The following SEMA6D variants were observed in gnomAD, a reference collection of about 807,000 sequenced individuals.
The protein encoded by SEMA6D is semaphorin 6D, also known as semaphorin-6D.
In SEMA6D, 35 loss-of-function variants were observed where a neutral mutation model predicts 106.6. The observed-to-expected ratio is 0.33, with a 90% CI of 0.25 to 0.44. The LOEUF (loss-of-function observed/expected upper bound fraction) is 0.44. Among genes scored for constraint, SEMA6D ranks in the 20% least tolerant of loss-of-function variants. The pLI is 1.00. For synonymous variants in SEMA6D, 499 were observed against 487.7 expected, an observed-to-expected ratio of 1.02 and a Z score of -0.31; for missense variants, 1,185 against 1,345.9, an observed-to-expected ratio of 0.88 and a Z score of 1.87.
chr15:47,549,906 G>C (rs946758817), intron 3 of SEMA6D, among the ~76,000 whole-genome samples: 1 of 152,128 alleles, frequency 6.6e-6, no homozygotes, highest in Non-Finnish European at 1.5e-5. Context: ...CTTGCCTAAA[G>C]TTGCACAGGC....
In SEMA6D at chr15:47,760,922, C is replaced by T. The variant is rs138062607; in HGVS notation, c.222-56C>T. On this transcript the variant is annotated intron_variant, in intron 3 of 18. Transcript: ENST00000536845. The stretch of plus-strand genomic sequence containing the variant: ...AGATCTGTAAAAATAAAAAAGGAAG[C>T]AGCTTAACATTTTTATGTATTCACG... 9.8e-5 allele frequency: 142 copies of T among 1,444,824 alleles called. No individual in the cohort carries two copies. In the African/African-American group the frequency reaches 1.8e-3, roughly 18 times the overall value. 89.5% of individuals were successfully genotyped at this position (1,444,824 alleles called of 1,614,324 possible). A position where few individuals can be genotyped will look rare whatever the true frequency, so the allele number is the denominator to read the frequency against.
chr15:47,523,096 C>G (rs149523881), intron 3 of SEMA6D, among the ~76,000 whole-genome samples: 1 of 152,230 alleles, frequency 6.6e-6, no homozygotes, highest in Non-Finnish European at 1.5e-5. Context: ...CTCCCATCTT[C>G]CATCTGCTAA....
At chr15:47,299,154 T>C (rs2035921915) in intron 1 of SEMA6D, among the ~76,000 whole-genome samples, 1 of 152,150 alleles carries the variant, frequency 6.6e-6, no homozygotes, top group Non-Finnish European at 1.5e-5. Context: ...TGGGTTAGTC[T>C]AGCCACAGTG....
At chr15:47,618,933 C>T (rs1394783082) in intron 4 of SEMA6D, among the ~76,000 whole-genome samples, 1 of 152,180 alleles carries the variant, frequency 6.6e-6, no homozygotes, top group African/African-American at 2.4e-5. Context: ...ATAAAAGGAG[C>T]TGCTCTTTAT....
intron 1 of SEMA6D, among the ~76,000 whole-genome samples, chr15:47,215,010 T>C (rs1412675955): frequency 1.3e-5 from 2 of 151,716 alleles, no homozygotes; most frequent in Non-Finnish European, 2.9e-5. Context: ...CTATAAGCAG[T>C]GGAAGCACAT....
At chr15:47,747,474 A>G (rs2081208592) in intron 1 of SEMA6D, among the ~76,000 whole-genome samples, 1 of 152,216 alleles carries the variant, frequency 6.6e-6, no homozygotes, top group Non-Finnish European at 1.5e-5. Context: ...AAGAAAATCC[A>G]GACTTAAAGT....
chr15:47,505,137 G>A (rs193216262), intron 3 of SEMA6D, among the ~76,000 whole-genome samples: 4 of 152,186 alleles, frequency 2.6e-5, no homozygotes, highest in African/African-American at 7.2e-5. Context: ...TGGTTTTGGG[G>A]CCCCTAAGAT....
At position 47,451,909 on chromosome 15, in the gene SEMA6D, G is replaced by T. The variant is rs116347145; in HGVS notation, c.-158-18565G>T. Among the ~76,000 whole-genome samples the T allele has an allele frequency of 9.0e-3, 1,367 of 152,054 alleles. 20 individuals carry two copies. Among genetic ancestry groups the T allele is most frequent in the African/African-American group, 0.032 (1,313 of 41,528 alleles). ...ACATTAAAAATGGATACATTCTATT[G>T]TATGTAAATTATACCTCAATATAGT... On this transcript the variant is annotated intron_variant, in intron 2 of 19. Coordinates refer to the SEMA6D transcript ENST00000558014.
chr15:47,386,178 A>G (rs1245214633), intron 1 of SEMA6D, among the ~76,000 whole-genome samples: 1 of 152,188 alleles, frequency 6.6e-6, no homozygotes, highest in Non-Finnish European at 1.5e-5. Flanking sequence ...TAAAATATCT[A>G]CACAGATAAC....
chr15:47,626,476 A>C (rs1052934357), intron 4 of SEMA6D, among the ~76,000 whole-genome samples: 6 of 152,148 alleles, frequency 3.9e-5, no homozygotes, highest in Non-Finnish European at 7.4e-5. Flanking sequence ...TCCTGTTGTC[A>C]TTGGCTTCCC....
chr15:47,540,988 A>C (rs1488327241), intron 3 of SEMA6D, among the ~76,000 whole-genome samples: 4 of 152,190 alleles, frequency 2.6e-5, no homozygotes, highest in African/African-American at 9.6e-5. Flanking sequence ...AGACTGAACC[A>C]GACTTAAGAA....
intron 1 of SEMA6D, among the ~76,000 whole-genome samples, chr15:47,268,453 G>T (rs1031613006): frequency 5.3e-5 from 8 of 152,070 alleles, no homozygotes; most frequent in African/African-American, 1.9e-4. Context: ...TCTGTAATCT[G>T]CAAGTGAGTG....
chr15:47,259,811 A>C (rs2033983515), intron 1 of SEMA6D, among the ~76,000 whole-genome samples: 1 of 151,926 alleles, frequency 6.6e-6, no homozygotes, highest in African/African-American at 2.4e-5. Context: ...TGATGATATG[A>C]GTGTTGGATT....
chr15:47,769,137 T>C lies in SEMA6D; in HGVS notation c.1933+389T>C, dbSNP rs145537208. Among the ~76,000 whole-genome samples the C allele has an allele frequency of 2.1e-3, 313 of 152,316 alleles. 5 individuals carry two copies. The highest frequency in any genetic ancestry group is 0.019 in the Admixed American group (288 of 15,300). On this transcript the variant is annotated intron_variant, in intron 18 of 18. Coordinates refer to ENST00000536845, the MANE Select transcript of SEMA6D (RefSeq NM_001358351.3). ...TTGTCTAGGAGCCTTTCCCAGACTC[T>C]TGTTTAGCTTCAATTCAAAATGCAA...
rs1555411185 is a variant in SEMA6D, at chr15:47,254,875, T to TTTTGTGTG, written c.-239+70458_-239+70459insTTGTGTGT. Among the ~76,000 whole-genome samples, 698 of 134,404 alleles carry TTTTGTGTG rather than the reference T, an allele frequency of 5.2e-3. 4 individuals are homozygous for TTTTGTGTG. The highest frequency in any genetic ancestry group is 8.9e-3 in the African/African-American group (316 of 35,598). 88.2% of individuals were successfully genotyped at this position (134,404 alleles called of 152,430 possible). On this transcript the variant is annotated intron_variant, in intron 1 of 19. Transcript: ENST00000558014. ...TCATCAGGGATATTGACCTGTGGTT[T>TTTTGTGTG]TGTGTGTGTGTGTGTGTGTGTGTGT... is the stretch of plus-strand genomic sequence containing the variant.
chr15:47,327,629 TTAGATG>T (rs1158892702), intron 1 of SEMA6D, among the ~76,000 whole-genome samples: 1 of 152,162 alleles, frequency 6.6e-6, no homozygotes, highest in Non-Finnish European at 1.5e-5. Flanking sequence ...AAGGTAAATA[TTAGATG>T]GTATGCAAGC....
chr15:47,218,616 G>A (rs1163390837), intron 1 of SEMA6D, among the ~76,000 whole-genome samples: 1 of 152,152 alleles, frequency 6.6e-6, no homozygotes, highest in Non-Finnish European at 1.5e-5. Flanking sequence ...GGGTGTGATT[G>A]AGCTCTTGAT....
At chr15:47,396,173 A>G (rs965794453) in intron 1 of SEMA6D, among the ~76,000 whole-genome samples, 2 of 152,136 alleles carry the variant, frequency 1.3e-5, no homozygotes, top group African/African-American at 4.8e-5. Context: ...TCCAGTCTCC[A>G]GGACTATAGG....
chr15:47,581,681 G>A (rs1175592669), intron 3 of SEMA6D, among the ~76,000 whole-genome samples: 1 of 152,176 alleles, frequency 6.6e-6, no homozygotes, highest in African/African-American at 2.4e-5. Flanking sequence ...AGGACAGGGG[G>A]TTGGGAACAG....
Sources: gnomAD v4.1 joint callset for allele counts (sites outside exome capture counted in the v4.1 genomes callset) on GRCh38, gnomAD v4.1.1 for gene constraint, MANE v1.5 for transcripts, NCBI Gene and HGNC (gene_info 2026-07-23, HGNC 2026-07-21) for gene names.